The following CHIC1 variants were observed in gnomAD, a reference collection of about 807,000 sequenced individuals.
The protein encoded by CHIC1 is cysteine-rich hydrophobic domain-containing protein 1.
CHIC1 carries 7 observed loss-of-function variants against 18.5 expected under a neutral mutation model. The observed-to-expected ratio is 0.38, with a 90% CI of 0.22 to 0.71. CHIC1 has a LOEUF of 0.71. Ranked by LOEUF, CHIC1 falls within the 30% of genes least tolerant of loss-of-function variation. The pLI is 0.49. For synonymous variants in CHIC1, 77 were observed against 73.5 expected, an observed-to-expected ratio of 1.05 and a Z score of -0.25; for missense variants, 159 against 176.9, an observed-to-expected ratio of 0.90 and a Z score of 0.57.
rs1170245719 is a variant in CHIC1 at position 73,682,422 on chromosome X, AAAAAT to A, written c.*1422_*1426del. ...GGCATTATTTGTAATTCATAGTGCT[AAAAAT>A]AAAAGTGTCTAGGGCTCAGTAATAT... On this transcript the variant is annotated 3_prime_UTR_variant, in exon 6 of 6. Transcript: ENST00000373502. The A allele has an allele frequency of 9.0e-6, 1 of 111,515 alleles. No homozygotes were observed. The highest frequency in any genetic ancestry group is 3.2e-5 in the African/African-American group (1 of 30,871). 9.2% of individuals were successfully genotyped at this position (111,515 alleles called of 1,213,427 possible). A position where few individuals can be genotyped will look rare whatever the true frequency, so the allele number is the denominator to read the frequency against.
chrX:73,564,386 T>A (rs2057434455), intron 1 of CHIC1, among the ~76,000 whole-genome samples: 1 of 112,164 alleles, frequency 8.9e-6, no homozygotes, highest in South Asian at 3.7e-4. Flanking sequence ...ATTAATACTT[T>A]GGGAGCTGAG....
At chrX:73,585,744 C>T (rs892460225) in intron 3 of CHIC1, among the ~76,000 whole-genome samples, 1 of 111,112 alleles carries the variant, frequency 9.0e-6, no homozygotes, top group African/African-American at 3.3e-5. Flanking sequence ...AGGACTATCC[C>T]TTTTTCTGAT....
At chrX:73,603,006 G>T (rs895722797) in intron 3 of CHIC1, among the ~76,000 whole-genome samples, 2 of 108,540 alleles carry the variant, frequency 1.8e-5, no homozygotes, top group Admixed American at 9.7e-5. Context: ...GCTGTTTTTT[G>T]ATTTGATATG....
chrX:73,671,697 A>G (rs1389178003), intron 3 of CHIC1, among the ~76,000 whole-genome samples: 2 of 106,191 alleles, frequency 1.9e-5, no homozygotes, highest in African/African-American at 3.4e-5. Context: ...CTTGTTTGTT[A>G]TCTTATATCT....
chrX:73,644,378 G>C (rs1027432896), intron 3 of CHIC1, among the ~76,000 whole-genome samples: 1 of 112,237 alleles, frequency 8.9e-6, no homozygotes, highest in Non-Finnish European at 1.9e-5. Context: ...ATCTCCAGCT[G>C]CATGCTGGGA....
intron 3 of CHIC1, among the ~76,000 whole-genome samples, chrX:73,615,008 A>C (rs1026729380): frequency 1.8e-5 from 2 of 111,202 alleles, no homozygotes; most frequent in African/African-American, 6.6e-5. Flanking sequence ...GCTTCTTCCA[A>C]ATTTTCAAAT....
intron 3 of CHIC1, among the ~76,000 whole-genome samples, chrX:73,648,676 T>C (rs1037449899): frequency 9.0e-6 from 1 of 110,554 alleles, no homozygotes; most frequent in Non-Finnish European, 1.9e-5. Flanking sequence ...GAAAAAAGAA[T>C]GAAAAGGAAC....
At chrX:73,662,582 C>G (rs1053948945) in intron 3 of CHIC1, among the ~76,000 whole-genome samples, 1 of 107,301 alleles carries the variant, frequency 9.3e-6, no homozygotes, top group Non-Finnish European at 1.9e-5. Context: ...GATTTTGTAA[C>G]TTATCAGTAG....
intron 3 of CHIC1, among the ~76,000 whole-genome samples, chrX:73,661,981 A>G (rs1023100113): frequency 1.8e-5 from 2 of 110,561 alleles, no homozygotes. Flanking sequence ...TGGCACATGT[A>G]TACATATGTA....
chrX:73,663,057 A>C (rs990666330), intron 3 of CHIC1, among the ~76,000 whole-genome samples: 5 of 111,684 alleles, frequency 4.5e-5, no homozygotes, highest in South Asian at 7.6e-4. Context: ...CAACGGGAAT[A>C]GTATAAAAAC....
chrX:73,641,869 T>C (rs1469717166), intron 3 of CHIC1, among the ~76,000 whole-genome samples: 5 of 111,876 alleles, frequency 4.5e-5, no homozygotes, highest in Non-Finnish European at 9.4e-5. Flanking sequence ...TAGGGCTGCA[T>C]AGTATTCCAT....
At chrX:73,658,671 A>T (rs1423025100) in intron 3 of CHIC1, among the ~76,000 whole-genome samples, 1 of 110,119 alleles carries the variant, frequency 9.1e-6, no homozygotes, top group Non-Finnish European at 1.9e-5. Context: ...CTTATCTGCT[A>T]CTAAATTTGG....
At chrX:73,584,273 G>A in intron 2 of CHIC1, 144 bp from the exon 3 acceptor site, 1 of 438,807 alleles carries the variant, frequency 2.3e-6, no homozygotes, top group Non-Finnish European at 3.7e-6. Context: ...CGTCATCCTA[G>A]AGTGCGTGAA....
At chrX:73,675,470 C>T (rs2058056819) in intron 3 of CHIC1, among the ~76,000 whole-genome samples, 1 of 111,878 alleles carries the variant, frequency 8.9e-6, no homozygotes, top group Non-Finnish European at 1.9e-5. Flanking sequence ...GAATTGATCC[C>T]TTTCCCATAA....
At position 73,584,436 on chromosome X, in the gene CHIC1, A is replaced by G. The variant is rs749480225; in HGVS notation, c.371A>G (p.Lys124Arg). Residue 124 changes from lysine to arginine, a missense_variant, in exon 3 of 6, where the codon AAA (lysine) becomes AGA (arginine). Lys to Arg is a conservative substitution (Grantham distance 26). Transcript: ENST00000373502. ...LTGKVAPEEF[K>R]TSIGRVNACL... The stretch of plus-strand genomic sequence containing the variant: ...TTGTAGGTGGCCCCAGAAGAATTTA[A>G]AACCAGCATTGGCCGTGTGAATGCA... 8 of 1,186,905 alleles carry G rather than the reference A, an allele frequency of 6.7e-6. No homozygotes were observed. The highest frequency in any genetic ancestry group is 9.1e-6 in the Non-Finnish European group (8 of 882,158).
intron 4 of CHIC1, 116 bp from the exon 5 acceptor site, chrX:73,679,538 G>T (rs1166755026): frequency 1.8e-5 from 10 of 557,494 alleles, no homozygotes; most frequent in Non-Finnish European, 2.8e-5. Flanking sequence ...ATTTTTAAGT[G>T]CTCTGTTTTG....
At chrX:73,578,254 A>G (rs759222817) in intron 2 of CHIC1, among the ~76,000 whole-genome samples, 1 of 110,886 alleles carries the variant, frequency 9.0e-6, no homozygotes, top group Non-Finnish European at 1.9e-5. Flanking sequence ...TTGGAAGATC[A>G]TCTTATGACA....
intron 3 of CHIC1, among the ~76,000 whole-genome samples, chrX:73,608,175 A>G (rs1028738325): frequency 2.8e-5 from 3 of 108,910 alleles, no homozygotes; most frequent in Non-Finnish European, 5.6e-5. Flanking sequence ...TTCTCCTTCA[A>G]ATGTTTGATA....
chrX:73,579,984 T>C (rs1241643301), intron 2 of CHIC1, among the ~76,000 whole-genome samples: 3 of 110,564 alleles, frequency 2.7e-5, no homozygotes, highest in Non-Finnish European at 5.7e-5. Flanking sequence ...GGTGTAGTTA[T>C]ATCCAACTTT....
Sources: allele counts gnomAD v4.1 joint callset (sites outside exome capture counted in the v4.1 genomes callset), GRCh38; gene constraint gnomAD v4.1.1; transcripts MANE v1.5; gene names NCBI Gene and HGNC (gene_info 2026-07-23, HGNC 2026-07-21).